The following SMARCD3 variants were observed in gnomAD, a reference collection of about 807,000 sequenced individuals.
SMARCD3 encodes SWI/SNF-related matrix-associated actin-dependent regulator of chromatin subfamily D member 3.
Under a neutral mutation model 58.0 loss-of-function variants are expected in SMARCD3, and 14 were observed. The observed-to-expected ratio is 0.24, with a 90% confidence interval of 0.16 to 0.38. The LOEUF (loss-of-function observed/expected upper bound fraction) is 0.38, where lower values mean the gene tolerates loss of function less well. SMARCD3 is among the 10% of genes least tolerant of loss of function. The probability of loss-of-function intolerance (pLI) is 1.00; values close to 1 mark genes in which losing one functional copy is unlikely to be tolerated. For synonymous variants in SMARCD3, 253 were observed against 253.8 expected (o/e 1.00, Z 0.03); for missense variants, 408 against 636.9 (o/e 0.64, Z 3.87).
intron 2 of SMARCD3, among the ~76,000 whole-genome samples, chr7:151,262,090 AC>A (rs140984738): frequency 0.21 from 30,539 of 147,940 alleles, 3,431 homozygotes; most frequent in Non-Finnish European, 0.27. Flanking sequence ...CTGCACTTCA[AC>A]CTTTTTTTTT....
In SMARCD3 at chr7:151,245,679, TG is replaced by T; in HGVS notation, c.79-9del. 1 of 429,114 alleles carries T rather than the reference TG, an allele frequency of 2.3e-6. No individual in the cohort carries two copies. Among genetic ancestry groups the T allele is most frequent in the Non-Finnish European group, 3.3e-6 (1 of 306,186 alleles). The allele number at this position is 429,114 out of a possible 1,614,324, so 26.6% of individuals were successfully genotyped here. ...AGACGGCATCCCGGGGCGCTGGGGG[TG>T]GGCGGGGGTGAAGCAGAAACGGGCG... On this transcript the variant is annotated splice_polypyrimidine_tract_variant and intron_variant, in intron 1 of 12. Coordinates refer to ENST00000262188, the MANE Select transcript of SMARCD3 (RefSeq NM_001003801.2). The surrounding 1 kb of genome is among the most constrained non-coding windows in gnomAD (Gnocchi z 6.2).
Position 151,241,591 on chromosome 7 carries a change from G to A in SMARCD3, c.840C>T (p.Arg280=), listed in dbSNP as rs749074456. Residue 280 remains arginine, a synonymous_variant, in exon 8 of 13, where the codon CGC becomes CGT. Transcript: ENST00000262188. This position sits in a 1 kb window ranked among gnomAD's most constrained non-coding sequence, Gnocchi z 5.3. The part of the protein sequence containing the change: ...ARLLGLHTQS[R]SAIVQALWQY... ...GCCACAGGGCCTGGACAATGGCTGA[G>A]CGGCTCTGTGTGTGCAGCCCCAGCA... The A allele has an allele frequency of 1.2e-6, 2 of 1,611,298 alleles. No individual in the cohort carries two copies. Among genetic ancestry groups the A allele is most frequent in the South Asian group, 2.2e-5 (2 of 90,388 alleles).
At position 151,242,936 on chromosome 7, in the gene SMARCD3, G is replaced by T; in HGVS notation, c.334-93C>A. 6.8e-7 allele frequency: 1 copy of T among 1,471,940 alleles called. No homozygotes were observed. Among genetic ancestry groups the T allele is most frequent in the Non-Finnish European group, 9.2e-7 (1 of 1,087,456 alleles). The allele number at this position is 1,471,940 out of a possible 1,614,324, so 91.2% of individuals were successfully genotyped here. ...TGTTGTGCAATCCTAGGGTACAAAA[G>T]ATGTCAGGGGAGCCATCCTACTTTT... On this transcript the variant is annotated intron_variant, in intron 3 of 12. Transcript: ENST00000262188. The surrounding 1 kb of genome is among the most constrained non-coding windows in gnomAD (Gnocchi z 4.7).
At chr7:151,259,981 C>G (rs1467522908) in intron 2 of SMARCD3, among the ~76,000 whole-genome samples, 4 of 152,174 alleles carry the variant, frequency 2.6e-5, no homozygotes, top group Admixed American at 2.6e-4. Flanking sequence ...CCAAGCACTT[C>G]CACACACAGT....
intron 2 of SMARCD3, among the ~76,000 whole-genome samples, chr7:151,256,188 T>A (rs144556439): frequency 7.0e-6 from 1 of 143,876 alleles, no homozygotes; most frequent in Non-Finnish European, 1.5e-5. Flanking sequence ...GGCTTTTTTT[T>A]TTTTTATTTT....
chr7:151,263,852 A>G (rs1013378239), intron 2 of SMARCD3, among the ~76,000 whole-genome samples: 5 of 152,142 alleles, frequency 3.3e-5, no homozygotes, highest in African/African-American at 1.2e-4. Context: ...AGATCTGACA[A>G]TGGTTTCACA....
At position 151,241,275 on chromosome 7, in the gene SMARCD3, G is replaced by C; in HGVS notation, c.939+217C>G. On this transcript the variant is annotated intron_variant, in intron 8 of 12. Transcript: ENST00000262188. The surrounding 1 kb of genome is among the most constrained non-coding windows in gnomAD (Gnocchi z 5.3). ...GGGTTTCCAGGTCTTCCTAACTTGGGGGGGCTAACATGGATTGGCTGCAGC... is the reference window on the plus strand; with the variant it reads ...GGGTTTCCAGGTCTTCCTAACTTGGCGGGGCTAACATGGATTGGCTGCAGC... The C allele has an allele frequency of 1.7e-6, 1 of 597,010 alleles. No homozygotes were observed. Among genetic ancestry groups the C allele is most frequent in the East Asian group, 2.9e-5 (1 of 33,918 alleles). 37.0% of individuals were successfully genotyped at this position (597,010 alleles called of 1,614,324 possible). A position where few individuals can be genotyped will look rare whatever the true frequency, so the allele number is the denominator to read the frequency against.
Position 151,242,762 on chromosome 7 carries a change from T to G in SMARCD3, c.415A>C (p.Lys139Gln). The G allele has an allele frequency of 6.2e-7, 1 of 1,614,090 alleles. No individual in the cohort carries two copies. The highest frequency in any genetic ancestry group is 8.5e-7 in the Non-Finnish European group (1 of 1,180,004). The change falls in exon 4 of 13, where the codon AAG (lysine) becomes CAG (glutamine). Residue 139 changes from lysine to glutamine, a missense_variant. Lys to Gln is a moderately conservative substitution (Grantham distance 53). This residue lies in a region of SMARCD3 where 128 missense variants were observed against 188.8 expected (regional missense o/e 0.68). Transcript: ENST00000262188. This position sits in a 1 kb window ranked among gnomAD's most constrained non-coding sequence, Gnocchi z 4.7. The stretch of plus-strand genomic sequence containing the variant: ...AGAGCCTCCTGGATGTCCACCCGCT[T>G]CCGCATGATGGTTTGATCCAGTTTC... ...ERKLDQTIMRKRVDIQEALKR... is the reference protein window; with the variant it reads ...ERKLDQTIMRQRVDIQEALKR...
chr7:151,240,554 A>C, intron 8 of SMARCD3, 32 bp from the exon 9 acceptor site: 6 of 1,467,282 alleles, frequency 4.1e-6, no homozygotes, highest in South Asian at 1.2e-5. Flanking sequence ...GAGAGAGATC[A>C]CTCTTCTTGA....
At chr7:151,252,711 G>A (rs1245249373), upstream of SMARCD3, among the ~76,000 whole-genome samples, 1 of 119,358 alleles carries the variant, frequency 8.4e-6, no homozygotes, top group African/African-American at 3.3e-5. Context: ...CTCTGGTGAC[G>A]GTCAGCAGAG....
At chr7:151,240,659 T>TG in intron 8 of SMARCD3, 137 bp from the exon 9 acceptor site, 1 of 467,518 alleles carries the variant, frequency 2.1e-6, no homozygotes, top group Non-Finnish European at 3.8e-6. Context: ...GGGATGGGAT[T>TG]GGGGTGGGCT....
chr7:151,268,930 C>T (rs1795075636), intron 2 of SMARCD3, among the ~76,000 whole-genome samples: 1 of 152,156 alleles, frequency 6.6e-6, no homozygotes, highest in Non-Finnish European at 1.5e-5. Flanking sequence ...GTTCTCAAAG[C>T]CCACAATGAT....
intron 2 of SMARCD3, among the ~76,000 whole-genome samples, chr7:151,270,567 C>T (rs1795144630): frequency 6.6e-6 from 1 of 152,108 alleles, no homozygotes; most frequent in Admixed American, 6.5e-5. Context: ...ACGCCCAAGC[C>T]GGGTGGGAGA....
At chr7:151,264,466 G>C (rs916948008) in intron 2 of SMARCD3, among the ~76,000 whole-genome samples, 1 of 152,170 alleles carries the variant, frequency 6.6e-6, no homozygotes, top group African/African-American at 2.4e-5. Flanking sequence ...GAAGAGGAGA[G>C]CATGATTGTA....
intron 1 of SMARCD3, among the ~76,000 whole-genome samples, chr7:151,247,969 G>GC (rs1042244757): frequency 2.6e-5 from 4 of 152,112 alleles, no homozygotes; most frequent in Non-Finnish European, 5.9e-5. Context: ...AAGCTCCAGA[G>GC]CCCTCCCGCT....
chr7:151,264,775 G>T (rs180956421), intron 2 of SMARCD3, among the ~76,000 whole-genome samples: 1 of 152,208 alleles, frequency 6.6e-6, no homozygotes, highest in Non-Finnish European at 1.5e-5. Context: ...TGGCGGTGGA[G>T]GGGGAGCAGA....
At chr7:151,250,370 G>A (rs1023216981), upstream of SMARCD3, among the ~76,000 whole-genome samples, 3 of 151,878 alleles carry the variant, frequency 2.0e-5, no homozygotes, top group African/African-American at 7.3e-5. Context: ...GCCCTGACAC[G>A]GTGGGGATGG....
chr7:151,251,880 C>G (rs1375898889), upstream of SMARCD3, among the ~76,000 whole-genome samples: 1 of 147,306 alleles, frequency 6.8e-6, no homozygotes, highest in South Asian at 2.1e-4. Context: ...CCACCGCGCC[C>G]GAGCGAGCGG....
intron 2 of SMARCD3, among the ~76,000 whole-genome samples, chr7:151,255,879 A>G (rs893586483): frequency 6.7e-6 from 1 of 148,278 alleles, no homozygotes; most frequent in Non-Finnish European, 1.5e-5. Flanking sequence ...CCTCCCTTGC[A>G]TGTACTTTTT....
Sources: gnomAD v4.1 joint callset for allele counts (sites outside exome capture counted in the v4.1 genomes callset) on GRCh38, gnomAD v4.1.1 for gene constraint, gnomAD v4.1.1 regional missense constraint, Gnocchi (gnomAD v3.1) non-coding constraint, MANE v1.5 for transcripts, NCBI Gene and HGNC (gene_info 2026-07-23, HGNC 2026-07-21) for gene names.